The following HAS3 variants were observed in gnomAD, a reference collection of about 807,000 sequenced individuals.
HAS3 encodes HA synthase 3.
Under a neutral mutation model 50.3 loss-of-function variants are expected in HAS3, and 27 were observed. That is an observed-to-expected ratio of 0.54 (90% CI 0.40 to 0.74). HAS3 has a LOEUF of 0.74. Ranked by LOEUF, HAS3 falls within the 30% of genes least tolerant of loss-of-function variation. The pLI is 0.00. For synonymous variants in HAS3, 339 were observed against 310.9 expected, an observed-to-expected ratio of 1.09 and a Z score of -0.95; for missense variants, 517 against 742.8, an observed-to-expected ratio of 0.70 and a Z score of 3.53.
downstream of HAS3, chr16:69,117,697 C>A: frequency 1.1e-6 from 1 of 949,834 alleles, no homozygotes; most frequent in Non-Finnish European, 1.3e-6. Context: ...TGAAAGCTAG[C>A]TCTTTATTCC....
At chr16:69,094,198 A>G in the HAS3 span, among the ~76,000 whole-genome samples, 697 of 152,278 alleles carry the variant, frequency 4.6e-3, 5 homozygotes, top group African/African-American at 0.015. Context: ...TTTACTGTCT[A>G]CCTTAAGAGC....
the HAS3 span, among the ~76,000 whole-genome samples, chr16:69,089,800 G>A: frequency 6.6e-6 from 1 of 152,314 alleles, no homozygotes; most frequent in South Asian, 2.1e-4. Context: ...TAGGGAGTCC[G>A]TAGCTCCACG....
At chr16:69,097,447 C>CA in the HAS3 span, among the ~76,000 whole-genome samples, 47,856 of 137,986 alleles carry the variant, frequency 0.35, 8,040 homozygotes, top group African/African-American at 0.43. Context: ...ACTCTTTCTC[C>CA]AAAAAAAAAA....
At chr16:69,083,686 G>A in the HAS3 span, 1 of 1,546,764 alleles carries the variant, frequency 6.5e-7, no homozygotes. Flanking sequence ...ACGTGGAGGA[G>A]GCAGGCAGGG....
At chr16:69,111,157 ATTTTTTTTTTTTTT>A (rs71148963) in intron 2 of HAS3, among the ~76,000 whole-genome samples, 24 of 62,300 alleles carry the variant, frequency 3.9e-4, no homozygotes, top group Admixed American at 6.5e-4. Flanking sequence ...CTAGGCCAGG[ATTTTTTTTTTTTTT>A]TTTTTTTTTT....
chr16:69,094,555 G>C, the HAS3 span, among the ~76,000 whole-genome samples: 1 of 152,164 alleles, frequency 6.6e-6, no homozygotes, highest in Non-Finnish European at 1.5e-5. Flanking sequence ...ACAAGACCAG[G>C]GCGGTGTGAT....
chr16:69,117,547 T>TAATTTGTA lies in HAS3; in HGVS notation c.*2284_*2291dup, dbSNP rs1455071506. 2.8e-5 allele frequency: 26 copies of TAATTTGTA among 915,088 alleles called. No individual in the cohort carries two copies. Among genetic ancestry groups the TAATTTGTA allele is most frequent in the Non-Finnish European group, 3.1e-5 (24 of 766,148 alleles). The allele number at this position is 915,088 out of a possible 1,614,324, so 56.7% of individuals were successfully genotyped here. A position where few individuals can be genotyped will look rare whatever the true frequency, so the allele number is the denominator to read the frequency against. ...ATCCTCTTTTGTATTGTTTCTACAA[T>TAATTTGTA]AATTTGTAAACATATTTATTTTTAC... On this transcript the variant is annotated 3_prime_UTR_variant, in exon 4 of 4. Transcript: ENST00000569188.
At chr16:69,110,320 A>G (rs963926379) in intron 2 of HAS3, among the ~76,000 whole-genome samples, 1 of 152,152 alleles carries the variant, frequency 6.6e-6, no homozygotes, top group Non-Finnish European at 1.5e-5. Flanking sequence ...GCATGGTGGC[A>G]GGCGCCTGTA....
chr16:69,091,514 A>G, the HAS3 span, among the ~76,000 whole-genome samples: 2 of 151,974 alleles, frequency 1.3e-5, no homozygotes, highest in African/African-American at 4.8e-5. Flanking sequence ...ACCAATCTAC[A>G]TTCCCCCACC....
downstream of HAS3, chr16:69,117,711 T>C: frequency 6.5e-6 from 6 of 918,958 alleles, no homozygotes; most frequent in South Asian, 3.0e-4. Context: ...TTATTCCAGT[T>C]TCCAAAGAGG....
chr16:69,102,059 C>T (rs1340161087), upstream of HAS3, among the ~76,000 whole-genome samples: 2 of 152,200 alleles, frequency 1.3e-5, no homozygotes, highest in African/African-American at 4.8e-5. Context: ...GTTGGAATTA[C>T]AGGCATGAGC....
Position 69,113,379 on chromosome 16 carries a change from G to A in HAS3, c.637-62G>A. 9.6e-6 allele frequency: 10 copies of A among 1,045,934 alleles called. No homozygotes were observed. In the South Asian group the frequency reaches 1.3e-4, roughly 13 times the overall value. 64.8% of individuals were successfully genotyped at this position (1,045,934 alleles called of 1,614,324 possible). A position where few individuals can be genotyped will look rare whatever the true frequency, so the allele number is the denominator to read the frequency against. On this transcript the variant is annotated intron_variant, in intron 2 of 3. Transcript: ENST00000569188. ...CAGGCAGTGAGCAGCCTGGCAGTGG[G>A]GTGGGGGACAGGGTGTGCAGGTCTG...
chr16:69,092,086 T>C, the HAS3 span, among the ~76,000 whole-genome samples: 2 of 152,206 alleles, frequency 1.3e-5, no homozygotes, highest in African/African-American at 4.8e-5. Context: ...ACACTGGGCC[T>C]GTGAGATAGG....
rs530492512 is a variant in HAS3 at position 69,107,971 on chromosome 16, C to T, written c.1-1425C>T. On this transcript the variant is annotated intron_variant, in intron 1 of 3. Transcript: ENST00000569188. This position sits in a 1 kb window ranked among gnomAD's most constrained non-coding sequence, Gnocchi z 5.5. Reference sequence around the variant, plus strand: ...ATTTAGGCAGTGACTGCGTGTTCTTCGTCCCTTCTACGTGAGAGGCGTCCC... The same window carrying T: ...ATTTAGGCAGTGACTGCGTGTTCTTTGTCCCTTCTACGTGAGAGGCGTCCC... Among the ~76,000 whole-genome samples the T allele has an allele frequency of 6.6e-6, 1 of 152,322 alleles. No homozygotes were observed. Among genetic ancestry groups the T allele is most frequent in the Non-Finnish European group, 1.5e-5 (1 of 68,020 alleles).
the HAS3 span, among the ~76,000 whole-genome samples, chr16:69,088,235 TGG>T: frequency 6.6e-6 from 1 of 151,778 alleles, no homozygotes; most frequent in Non-Finnish European, 1.5e-5. Context: ...TATGAGGCAG[TGG>T]AGGGAGACAG....
At chr16:69,108,116 G>A (rs1036446623) in intron 1 of HAS3, among the ~76,000 whole-genome samples, 1 of 152,186 alleles carries the variant, frequency 6.6e-6, no homozygotes, top group Non-Finnish European at 1.5e-5. Flanking sequence ...TCTAGATCAG[G>A]CAGGTGGCAG....
chr16:69,117,509 A>T lies in HAS3; in HGVS notation c.*2243A>T. Reference sequence around the variant, plus strand: ...ATTGGACGCATTTTGGTTTTTCCTCATTGAGAATTCAAATCCTCTTTTGTA... The same window carrying T: ...ATTGGACGCATTTTGGTTTTTCCTCTTTGAGAATTCAAATCCTCTTTTGTA... On this transcript the variant is annotated 3_prime_UTR_variant, in exon 4 of 4. Transcript: ENST00000569188. 2.1e-6 allele frequency: 2 copies of T among 959,112 alleles called. No individual in the cohort carries two copies. The highest frequency in any genetic ancestry group is 2.5e-6 in the Non-Finnish European group (2 of 805,908). 59.4% of individuals were successfully genotyped at this position (959,112 alleles called of 1,614,324 possible).
chr16:69,097,148 A>G, the HAS3 span, among the ~76,000 whole-genome samples: 5 of 147,336 alleles, frequency 3.4e-5, no homozygotes, highest in African/African-American at 5.0e-5. Flanking sequence ...CAAGACTGAG[A>G]AAAAAAAAAG....
the HAS3 span, among the ~76,000 whole-genome samples, chr16:69,091,333 T>C: frequency 6.6e-6 from 1 of 152,202 alleles, no homozygotes; most frequent in Non-Finnish European, 1.5e-5. Context: ...ATTTGTTTAT[T>C]GATGGTTCCA....
Sources: allele counts gnomAD v4.1 joint callset (sites outside exome capture counted in the v4.1 genomes callset), GRCh38; gene constraint gnomAD v4.1.1; non-coding constraint Gnocchi (gnomAD v3.1); transcripts MANE v1.5; gene names NCBI Gene and HGNC (gene_info 2026-07-23, HGNC 2026-07-21).